The following NRG3 variants were observed in gnomAD, a reference collection of about 807,000 sequenced individuals.
NRG3 encodes the protein pro-neuregulin-3, membrane-bound isoform.
Under a neutral mutation model 66.9 loss-of-function variants are expected in NRG3, and 31 were observed. That is an observed-to-expected ratio of 0.46 (90% CI 0.35 to 0.63). NRG3 has a LOEUF of 0.63. NRG3 is among the 20% of genes least tolerant of loss of function. NRG3 has a pLI of 0.00. For synonymous variants in NRG3, 393 were observed against 359.4 expected, an observed-to-expected ratio of 1.09 and a Z score of -1.06; for missense variants, 910 against 878.9, an observed-to-expected ratio of 1.04 and a Z score of -0.45.
At chr10:82,568,021 G>A (rs1472912649) in intron 2 of NRG3, among the ~76,000 whole-genome samples, 1 of 151,794 alleles carries the variant, frequency 6.6e-6, no homozygotes, top group Admixed American at 6.6e-5. Flanking sequence ...CCTTAGTTTT[G>A]TCATTTCTTA....
intron 1 of NRG3, among the ~76,000 whole-genome samples, chr10:81,993,701 A>G (rs543385429): frequency 1.3e-5 from 2 of 152,314 alleles, no homozygotes; most frequent in South Asian, 4.1e-4. Context: ...CAAGTCTACA[A>G]GTTCAAACTA....
chr10:81,905,256 T>A (rs989239151), intron 1 of NRG3, among the ~76,000 whole-genome samples: 2 of 152,216 alleles, frequency 1.3e-5, no homozygotes, highest in African/African-American at 4.8e-5. Flanking sequence ...CATCTTCCCC[T>A]TGTGGAAAAT....
intron 1 of NRG3, among the ~76,000 whole-genome samples, chr10:81,880,826 C>G (rs889807234): frequency 2.0e-5 from 3 of 152,120 alleles, no homozygotes; most frequent in Non-Finnish European, 4.4e-5. Flanking sequence ...TTCTTTCTAG[C>G]TGTTTTTATC....
rs546389125 is a variant in NRG3, at chr10:82,623,096, C to T, written c.954-115481C>T. 2.0e-5 allele frequency among the ~76,000 whole-genome samples: 3 copies of T among 152,156 alleles called. No homozygotes were observed. In the South Asian group the frequency reaches 6.2e-4, roughly 32 times the overall value. Reference sequence around the variant, plus strand: ...TTCCCAATTTTATTTGACTATTTCACCCAGGGTACCACTAATCACAATGGC... The same window carrying T: ...TTCCCAATTTTATTTGACTATTTCATCCAGGGTACCACTAATCACAATGGC... On this transcript the variant is annotated intron_variant, in intron 2 of 8. Coordinates refer to ENST00000372141, the MANE Select transcript of NRG3 (RefSeq NM_001010848.4).
intron 3 of NRG3, among the ~76,000 whole-genome samples, chr10:82,756,420 AT>A (rs1294839756): frequency 3.3e-5 from 5 of 152,236 alleles, no homozygotes; most frequent in Non-Finnish European, 5.9e-5. Flanking sequence ...GGATAAATCT[AT>A]GCTTAACATA....
chr10:82,281,291 C>A (rs1432162820), intron 1 of NRG3, among the ~76,000 whole-genome samples: 1 of 152,098 alleles, frequency 6.6e-6, no homozygotes, highest in Non-Finnish European at 1.5e-5. Flanking sequence ...AGAAAGATAG[C>A]ATGATTGCTG....
chr10:82,288,868 A>T (rs2079566505), intron 1 of NRG3, among the ~76,000 whole-genome samples: 2 of 152,220 alleles, frequency 1.3e-5, no homozygotes, highest in African/African-American at 4.8e-5. Flanking sequence ...AATTTGTCAC[A>T]TTCCTACGTA....
intron 2 of NRG3, among the ~76,000 whole-genome samples, chr10:82,682,912 C>T (rs1207641746): frequency 1.3e-5 from 2 of 151,332 alleles, no homozygotes; most frequent in Admixed American, 6.6e-5. Flanking sequence ...CACCCTCTCC[C>T]AAACAGATTT....
intron 2 of NRG3, among the ~76,000 whole-genome samples, chr10:82,607,059 A>G (rs1195581640): frequency 6.6e-6 from 1 of 152,056 alleles, no homozygotes; most frequent in Non-Finnish European, 1.5e-5. Flanking sequence ...ACAATTATTA[A>G]ACGCTTTCTC....
intron 2 of NRG3, among the ~76,000 whole-genome samples, chr10:82,449,326 A>G: frequency 6.6e-6 from 1 of 152,224 alleles, no homozygotes; most frequent in East Asian, 1.9e-4. Context: ...CAGCTGACAG[A>G]TATCTGGAAG....
In NRG3 at chr10:82,958,945, G is replaced by A; in HGVS notation, c.1158-4G>A. 1 of 1,571,868 alleles carries A rather than the reference G, an allele frequency of 6.4e-7. No individual in the cohort carries two copies. The highest frequency in any genetic ancestry group is 1.4e-5 in the African/African-American group (1 of 72,762). ...TATTTGTACACGTTTATTTATGCCTGCAGGAAACAAGCTAAACAAATCCAA... is the reference window on the plus strand; with the variant it reads ...TATTTGTACACGTTTATTTATGCCTACAGGAAACAAGCTAAACAAATCCAA... On this transcript the variant is annotated splice_region_variant and splice_polypyrimidine_tract_variant and intron_variant, in intron 5 of 8. Transcript: ENST00000372141.
intron 1 of NRG3, among the ~76,000 whole-genome samples, chr10:82,312,951 C>T (rs540303760): frequency 5.3e-4 from 80 of 152,080 alleles, no homozygotes; most frequent in South Asian, 1.0e-3. Flanking sequence ...TCAAGGCAGA[C>T]GGATCGCTTG....
chr10:82,009,632 CACAAAA>C (rs2061501533), intron 1 of NRG3, among the ~76,000 whole-genome samples: 2 of 152,096 alleles, frequency 1.3e-5, no homozygotes, highest in South Asian at 4.1e-4. Context: ...TGCAGTGGTG[CACAAAA>C]ACAAAAACAC....
intron 2 of NRG3, among the ~76,000 whole-genome samples, chr10:82,678,014 T>A (rs1407705509): frequency 1.3e-5 from 2 of 152,172 alleles, no homozygotes; most frequent in Non-Finnish European, 2.9e-5. Context: ...GAGGTCTTTT[T>A]CCCTTACCAG....
intron 2 of NRG3, among the ~76,000 whole-genome samples, chr10:82,418,033 A>T (rs1298788377): frequency 6.6e-6 from 1 of 152,234 alleles, no homozygotes; most frequent in Non-Finnish European, 1.5e-5. Flanking sequence ...ATTGGAAAGA[A>T]GGTTTTAAAT....
intron 1 of NRG3, among the ~76,000 whole-genome samples, chr10:82,327,418 AAGAC>A (rs1261779960): frequency 1.3e-5 from 2 of 152,182 alleles, no homozygotes; most frequent in African/African-American, 2.4e-5. Flanking sequence ...GAGTCTGAGA[AAGAC>A]AGGGATTAAA....
At chr10:82,138,538 G>T (rs563582437) in intron 1 of NRG3, among the ~76,000 whole-genome samples, 8 of 152,100 alleles carry the variant, frequency 5.3e-5, no homozygotes, top group Non-Finnish European at 1.2e-4. Flanking sequence ...TAGAGGGACA[G>T]AACTAATAGG....
intron 2 of NRG3, among the ~76,000 whole-genome samples, chr10:82,458,504 G>T (rs1217628536): frequency 1.3e-5 from 2 of 152,090 alleles, no homozygotes; most frequent in African/African-American, 4.8e-5. Context: ...AAAAAGAAAA[G>T]TCATTAAGGG....
chr10:82,472,694 C>T (rs571094359), intron 2 of NRG3, among the ~76,000 whole-genome samples: 1 of 152,276 alleles, frequency 6.6e-6, no homozygotes, highest in South Asian at 2.1e-4. Context: ...GCATGTTTTC[C>T]CCTTTTCTTT....
Sources: gnomAD v4.1 joint callset for allele counts (sites outside exome capture counted in the v4.1 genomes callset) on GRCh38, gnomAD v4.1.1 for gene constraint, MANE v1.5 for transcripts, NCBI Gene and HGNC (gene_info 2026-07-23, HGNC 2026-07-21) for gene names.